AKAP13: variants seen among roughly 807,000 people sequenced by gnomAD.
The protein encoded by AKAP13 is A-kinase anchoring protein 13.
AKAP13 carries 80 observed loss-of-function variants against 264.5 expected under a neutral mutation model. The ratio of observed to expected loss-of-function variants is 0.30; its 90% CI spans 0.25 to 0.36. The LOEUF (loss-of-function observed/expected upper bound fraction) is 0.36. Ranked by LOEUF, AKAP13 falls within the 10% of genes least tolerant of loss-of-function variation. AKAP13 has a pLI of 1.00. For missense variants in AKAP13, 3,712 were observed against 3,435.2 expected (o/e 1.08, Z -2.01); for synonymous variants, 1,380 against 1,250.2 (o/e 1.10, Z -2.19).
At chr15:85,573,591 T>A (rs547658360) in intron 5 of AKAP13, among the ~76,000 whole-genome samples, 2 of 142,452 alleles carry the variant, frequency 1.4e-5, no homozygotes, top group South Asian at 4.2e-4. Flanking sequence ...TGATATGGGA[T>A]ATTCAAAGGT....
At chr15:85,734,873 A>C in intron 30 of AKAP13, 119 bp from the exon 31 acceptor site, 1 of 1,347,494 alleles carries the variant, frequency 7.4e-7, no homozygotes. Context: ...AAAGGAACTC[A>C]CCCAGTCACT....
chr15:85,660,158 G>A (rs2083273750), intron 12 of AKAP13, among the ~76,000 whole-genome samples: 1 of 151,878 alleles, frequency 6.6e-6, no homozygotes, highest in Admixed American at 6.6e-5. Flanking sequence ...TTTGAGACCT[G>A]CCTGGGAAAC....
intron 1 of AKAP13, among the ~76,000 whole-genome samples, chr15:85,469,797 A>G (rs560281600): frequency 6.6e-6 from 1 of 152,370 alleles, no homozygotes; most frequent in East Asian, 1.9e-4. Context: ...TGTCAACTCC[A>G]GTTTTACAAT....
At position 85,680,798 on chromosome 15, in the gene AKAP13, C is replaced by T. The variant is rs376541911; in HGVS notation, c.5102-1360C>T. Among the ~76,000 whole-genome samples, 33 of 152,140 alleles carry T rather than the reference C, an allele frequency of 2.2e-4. No homozygotes were observed. In the East Asian group the frequency reaches 5.0e-3, roughly 23 times the overall value. ...TTTGAGAGTTGAAGAGTTTCAAATG[C>T]GGGTAATCTGGGAGTTTTTTTGTTT... On this transcript the variant is annotated intron_variant, in intron 14 of 36. Coordinates refer to ENST00000394518, the MANE Select transcript of AKAP13 (RefSeq NM_007200.5).
chr15:85,611,365 TCTC>T (rs2080614567), intron 8 of AKAP13, among the ~76,000 whole-genome samples: 1 of 152,200 alleles, frequency 6.6e-6, no homozygotes, highest in Admixed American at 6.5e-5. Context: ...CATCATCTGA[TCTC>T]TCCCCTGCCA....
Position 85,381,016 on chromosome 15 carries a change from C to G in AKAP13, c.-12+218C>G, listed in dbSNP as rs140403347. On this transcript the variant is annotated intron_variant, in intron 1 of 36. Coordinates refer to ENST00000394518, the MANE Select transcript of AKAP13 (RefSeq NM_007200.5). ...CCTCCTCCCTGCGCATCGCCCTTCT[C>G]CCGCATTGTCTGCTTGGGGCTCGGC... Among the ~76,000 whole-genome samples the G allele has an allele frequency of 7.0e-3, 1,067 of 152,190 alleles. 9 individuals are homozygous for G. The highest frequency in any genetic ancestry group is 0.011 in the Non-Finnish European group (755 of 67,966).
chr15:85,547,578 A>G (rs1180609373), intron 5 of AKAP13, among the ~76,000 whole-genome samples: 2 of 152,102 alleles, frequency 1.3e-5, no homozygotes, highest in East Asian at 1.9e-4. Flanking sequence ...TTTGTAACCC[A>G]TGATTGTTAA....
At position 85,580,007 on chromosome 15, in the gene AKAP13, G is replaced by T. The variant is rs746811889; in HGVS notation, c.1939G>T (p.Gly647Cys). The T allele has an allele frequency of 6.2e-7, 1 of 1,614,120 alleles. No homozygotes were observed. Among genetic ancestry groups the T allele is most frequent in the Non-Finnish European group, 8.5e-7 (1 of 1,180,000 alleles). ...TTCATCTCATGCTCAAAGCCAAAAG[G>T]GCAAATCCTCACCCATTTGTTCTAC... ...TNSSHAQSQKGKSSPICSTTG... is the reference protein window; with the variant it reads ...TNSSHAQSQKCKSSPICSTTG... The change falls in exon 7 of 37, where the codon GGC becomes TGC. Residue 647 changes from glycine to cysteine, a missense_variant. Physicochemically the swap from Gly to Cys is radical, Grantham distance 159 (BLOSUM62 -3). This residue lies in a region of AKAP13 where 2,759 missense variants were observed against 2,411.7 expected (regional missense o/e 1.14). Coordinates refer to ENST00000394518, the MANE Select transcript of AKAP13 (RefSeq NM_007200.5).
rs567185517 is a variant in AKAP13 at position 85,521,541 on chromosome 15, G to A, written c.147G>A (p.Lys49=). 2.8e-5 allele frequency: 46 copies of A among 1,614,142 alleles called. 1 individual carries two copies. In the South Asian group the frequency reaches 3.3e-4, roughly 12 times the overall value. The change falls in exon 3 of 37, where the codon AAG becomes AAA. Residue 49 remains lysine, a synonymous_variant. Coordinates refer to ENST00000394518, the MANE Select transcript of AKAP13 (RefSeq NM_007200.5). Reference sequence around the variant, plus strand: ...TCCGTCACTGTACAAGTACTCGGAAGGTCAGTTCTGATACATTGGAGACCA... The same window carrying A: ...TCCGTCACTGTACAAGTACTCGGAAAGTCAGTTCTGATACATTGGAGACCA... ...STLRHCTSTR[K]VSSDTLETIA...
rs187575234 is a variant in AKAP13, at chr15:85,718,469, T to G, written c.6001+310T>G. ...AAAAACTAGACTAAACACAAGTCATTTCTGAGAACTGGGTATACAGTCAGT... is the reference window on the plus strand; with the variant it reads ...AAAAACTAGACTAAACACAAGTCATGTCTGAGAACTGGGTATACAGTCAGT... On this transcript the variant is annotated intron_variant, in intron 22 of 36. Transcript: ENST00000394518. This position sits in a 1 kb window ranked among gnomAD's most constrained non-coding sequence, Gnocchi z 4.9. Among the ~76,000 whole-genome samples, 1 of 152,324 alleles carries G rather than the reference T, an allele frequency of 6.6e-6. No homozygotes were observed. Among genetic ancestry groups the G allele is most frequent in the Non-Finnish European group, 1.5e-5 (1 of 68,022 alleles).
At chr15:85,648,448 T>C (rs960015660) in intron 10 of AKAP13, among the ~76,000 whole-genome samples, 23 of 152,338 alleles carry the variant, frequency 1.5e-4, no homozygotes, top group African/African-American at 5.5e-4. Context: ...ATTTTCTATA[T>C]TTCGCCGTCT....
intron 1 of AKAP13, among the ~76,000 whole-genome samples, chr15:85,405,013 A>T (rs1414753963): frequency 6.6e-6 from 1 of 152,146 alleles, no homozygotes; most frequent in Non-Finnish European, 1.5e-5. Context: ...GCTGTATCCT[A>T]GCACATTCTG....
intron 8 of AKAP13, chr15:85,620,112 G>A (rs2081112421): frequency 6.5e-7 from 1 of 1,535,980 alleles, no homozygotes. Flanking sequence ...GGCACAAGAG[G>A]CGCTACAGCC....
chr15:85,397,802 G>C (rs530884979), intron 1 of AKAP13, among the ~76,000 whole-genome samples: 160 of 152,316 alleles, frequency 1.1e-3, no homozygotes, highest in African/African-American at 3.8e-3. Flanking sequence ...AACAAAATAA[G>C]ATGTAGTCAC....
At chr15:85,729,967 A>AC (rs1342951313) in intron 29 of AKAP13, among the ~76,000 whole-genome samples, 2 of 150,232 alleles carry the variant, frequency 1.3e-5, no homozygotes, top group Non-Finnish European at 3.0e-5. Flanking sequence ...AACAAAAACA[A>AC]AAAAAAAAGA....
rs55928032 is a variant in AKAP13 at position 85,631,502 on chromosome 15, TCACACACACA to T, written c.4162-7830_4162-7821del. Among the ~76,000 whole-genome samples the T allele has an allele frequency of 3.1e-3, 434 of 141,022 alleles. 7 individuals carry two copies. Among genetic ancestry groups the T allele is most frequent in the South Asian group, 0.031 (131 of 4,282 alleles). 92.5% of individuals were successfully genotyped at this position (141,022 alleles called of 152,430 possible). On this transcript the variant is annotated intron_variant, in intron 8 of 36. Coordinates refer to ENST00000394518, the MANE Select transcript of AKAP13 (RefSeq NM_007200.5). ...CACACTTTCTCTCTCTCTCTCTCTC[TCACACACACA>T]CACACACACACACACACACACACAC... is the stretch of plus-strand genomic sequence containing the variant.
At chr15:85,528,331 C>T (rs2077146365) in intron 3 of AKAP13, among the ~76,000 whole-genome samples, 4 of 152,200 alleles carry the variant, frequency 2.6e-5, no homozygotes, top group Non-Finnish European at 5.9e-5. Flanking sequence ...TTCTTTCCCT[C>T]CTCACTTAAT....
chr15:85,723,364 C>G (rs759769017), intron 26 of AKAP13, 44 bp downstream of exon 26: 1 of 1,590,492 alleles, frequency 6.3e-7, no homozygotes, highest in Non-Finnish European at 8.6e-7. Flanking sequence ...CCAGGTAAAA[C>G]AGGCAAAAAT....
chr15:85,462,831 C>T (rs1177148131), intron 1 of AKAP13, among the ~76,000 whole-genome samples: 3 of 150,954 alleles, frequency 2.0e-5, no homozygotes, highest in African/African-American at 4.9e-5. Flanking sequence ...GAGACCATCC[C>T]GGCTAAAATG....
Sources: allele counts gnomAD v4.1 joint callset (sites outside exome capture counted in the v4.1 genomes callset), GRCh38; gene constraint gnomAD v4.1.1; regional missense constraint gnomAD v4.1.1; non-coding constraint Gnocchi (gnomAD v3.1); transcripts MANE v1.5; gene names NCBI Gene and HGNC (gene_info 2026-07-23, HGNC 2026-07-21).